The following ITM2A variants were observed in gnomAD, a reference collection of about 807,000 sequenced individuals.
The protein encoded by ITM2A is BRICHOS domain containing 2A.
A neutral mutation model predicts 16.6 loss-of-function variants in ITM2A; 11 were observed. That is an observed-to-expected ratio of 0.66 (90% CI 0.42 to 1.10). The LOEUF (loss-of-function observed/expected upper bound fraction) is 1.10. Among genes scored for constraint, ITM2A ranks in the 50% least tolerant of loss-of-function variants. The pLI, the probability that ITM2A is intolerant of heterozygous loss-of-function variation, is 0.00. For synonymous variants in ITM2A, 102 were observed against 71.2 expected, an observed-to-expected ratio of 1.43 and a Z score of -2.18; for missense variants, 243 against 206.8, an observed-to-expected ratio of 1.17 and a Z score of -1.07.
At chrX:79,366,405 A>G (rs1925576354) in intron 1 of ITM2A, among the ~76,000 whole-genome samples, 1 of 111,651 alleles carries the variant, frequency 9.0e-6, no homozygotes, top group Non-Finnish European at 1.9e-5. Flanking sequence ...CTCTAAAAAT[A>G]TACAAGGCTC....
In ITM2A at chrX:79,363,147, A is replaced by T. The variant is rs777605986; in HGVS notation, c.244-8T>A. The T allele has an allele frequency of 1.7e-6, 2 of 1,177,821 alleles. No individual in the cohort carries two copies. The highest frequency in any genetic ancestry group is 2.3e-6 in the Non-Finnish European group (2 of 869,057). On this transcript the variant is annotated splice_region_variant and splice_polypyrimidine_tract_variant and intron_variant, in intron 2 of 5. Transcript: ENST00000373298. The stretch of plus-strand genomic sequence containing the variant: ...TCCACGGTAAATGGTGCTCTAAAAG[A>T]CAAAAAGGGAAAATTACAACCTTCT...
intron 1 of ITM2A, among the ~76,000 whole-genome samples, chrX:79,364,864 T>C (rs1426651378): frequency 2.7e-5 from 3 of 111,113 alleles, no homozygotes; most frequent in Non-Finnish European, 5.7e-5. Context: ...TAACTAAATT[T>C]ATTTAAGTTC....
At position 79,361,170 on chromosome X, in the gene ITM2A, G is replaced by C; in HGVS notation, c.711C>G (p.Asn237Lys). 3 of 1,194,305 alleles carry C rather than the reference G, an allele frequency of 2.5e-6. No homozygotes were observed. The highest frequency in any genetic ancestry group is 3.4e-6 in the Non-Finnish European group (3 of 882,564). ...LRRRDLLLGF[N>K]KRAIDKCWKI... The stretch of plus-strand genomic sequence containing the variant: ...TCCAGCATTTATCAATGGCACGTTT[G>C]TTGAAACCTGTAAGGAAATGTGCAA... The change falls in exon 6 of 6, where the codon AAC (asparagine) becomes AAG (lysine). Residue 237 changes from asparagine to lysine, a missense_variant. Coordinates refer to ENST00000373298, the MANE Select transcript of ITM2A (RefSeq NM_004867.5).
At chrX:79,365,150 A>G (rs928487482) in intron 1 of ITM2A, among the ~76,000 whole-genome samples, 2 of 111,989 alleles carry the variant, frequency 1.8e-5, no homozygotes, top group Non-Finnish European at 3.8e-5. Context: ...TAAGAGAAAT[A>G]AATTTATTTT....
Position 79,367,157 on chromosome X carries a change from T to C in ITM2A, c.59A>G (p.Asp20Gly), listed in dbSNP as rs1263283468. The change falls in exon 1 of 6, where the codon GAC becomes GGC. Residue 20 changes from aspartate (D) to glycine (G), a missense_variant. Physicochemically the swap from Asp to Gly is moderately conservative, Grantham distance 94 (BLOSUM62 -1). Coordinates refer to ENST00000373298, the MANE Select transcript of ITM2A (RefSeq NM_004867.5). The part of the protein sequence containing the change: ...TAVQKEEARQ[D>G]VEALLSRTVR... The stretch of plus-strand genomic sequence containing the variant: ...CGTGCGGCTCAGGAGGGCCTCCACG[T>C]CTTGCCGCGCCTCCTCCTTTTGCAC... 6 of 1,207,414 alleles carry C rather than the reference T, an allele frequency of 5.0e-6. No individual in the cohort carries two copies. Among genetic ancestry groups the C allele is most frequent in the Non-Finnish European group, 6.7e-6 (6 of 894,208 alleles).
intron 4 of ITM2A, among the ~76,000 whole-genome samples, chrX:79,361,680 CT>C (rs1925422863): frequency 9.0e-6 from 1 of 110,975 alleles, no homozygotes; most frequent in African/African-American, 3.3e-5. Context: ...ATCTTCCACC[CT>C]CTGAAAGGCC....
At chrX:79,365,297 A>AT (rs1175844092) in intron 1 of ITM2A, among the ~76,000 whole-genome samples, 1 of 111,564 alleles carries the variant, frequency 9.0e-6, no homozygotes, top group Non-Finnish European at 1.9e-5. Flanking sequence ...AGAAATAAGG[A>AT]TTTTTTGTTT....
At chrX:79,364,058 T>C (rs1443389680) in intron 1 of ITM2A, among the ~76,000 whole-genome samples, 1 of 88,676 alleles carries the variant, frequency 1.1e-5, no homozygotes, top group Non-Finnish European at 2.5e-5. Flanking sequence ...TTCTTCATTA[T>C]TTTTTCCAAA....
rs755224696 is a variant in ITM2A, at chrX:79,361,184, G to T, written c.704-7C>A. ...ATGGCACGTTTGTTGAAACCTGTAA[G>T]GAAATGTGCAAAAAAAGTGGCTTTT... is the stretch of plus-strand genomic sequence containing the variant. On this transcript the variant is annotated splice_region_variant and splice_polypyrimidine_tract_variant and intron_variant, in intron 5 of 5. Transcript: ENST00000373298. 1 of 1,173,697 alleles carries T rather than the reference G, an allele frequency of 8.5e-7. No individual in the cohort carries two copies.
At chrX:79,363,999 T>A (rs970499663) in intron 1 of ITM2A, among the ~76,000 whole-genome samples, 1 of 112,111 alleles carries the variant, frequency 8.9e-6, no homozygotes, top group Non-Finnish European at 1.9e-5. Context: ...AATTACTTTT[T>A]GAACTAGTAC....
chrX:79,361,022 C>A lies in ITM2A; in HGVS notation c.*67G>T, dbSNP rs764962561. 9.6e-6 allele frequency: 6 copies of A among 622,136 alleles called. No individual in the cohort carries two copies. The South Asian group carries it at 1.8e-4, about 19-fold the overall frequency. The allele number at this position is 622,136 out of a possible 1,213,427, so 51.3% of individuals were successfully genotyped here. ...TAAATATCTTGAGTATCCCATAAACCTTAATGTTAAAGTCATATTGTAAAT... is the reference window on the plus strand; with the variant it reads ...TAAATATCTTGAGTATCCCATAAACATTAATGTTAAAGTCATATTGTAAAT... On this transcript the variant is annotated 3_prime_UTR_variant, in exon 6 of 6. Coordinates refer to ENST00000373298, the MANE Select transcript of ITM2A (RefSeq NM_004867.5).
intron 5 of ITM2A, 44 bp from the exon 6 acceptor site, chrX:79,361,221 G>A (rs1925404965): frequency 2.6e-6 from 3 of 1,139,007 alleles, no homozygotes; most frequent in Non-Finnish European, 3.6e-6. Context: ...AAATTTTTGT[G>A]GAAATGAAAA....
intron 4 of ITM2A, 45 bp from the exon 5 acceptor site, chrX:79,361,524 T>C (rs1378369527): frequency 3.6e-6 from 4 of 1,119,379 alleles, no homozygotes; most frequent in Non-Finnish European, 4.8e-6. Flanking sequence ...TCTTTTTCCT[T>C]TTTAACTTTG....
Position 79,365,009 on chromosome X carries a change from A to T in ITM2A, c.112-1455T>A, listed in dbSNP as rs1925531414. On this transcript the variant is annotated intron_variant, in intron 1 of 5. Transcript: ENST00000373298. ...TAGCACTACAAAGATAGAACTATAA[A>T]TTTTGATTTGGAATTACTGTACAAT... 4.5e-5 allele frequency among the ~76,000 whole-genome samples: 5 copies of T among 110,983 alleles called. No individual in the cohort carries two copies. The Admixed American group carries it at 4.8e-4, about 11-fold the overall frequency.
At position 79,362,618 on chromosome X, in the gene ITM2A, G is replaced by A; in HGVS notation, c.515C>T (p.Pro172Leu). 2 of 1,202,372 alleles carry A rather than the reference G, an allele frequency of 1.7e-6. No homozygotes were observed. The highest frequency in any genetic ancestry group is 2.2e-6 in the Non-Finnish European group (2 of 890,369). Reference protein sequence around the residue: ...LMPLNTSIVMPPKNLVELFGK... With the variant: ...LMPLNTSIVMLPKNLVELFGK... ...AAAGAGCTCTACCAGATTTTTTGGA[G>A]GCATAACAATAGAAGTATTGAGGGG... Residue 172 changes from proline to leucine, a missense_variant, in exon 4 of 6, where the codon CCT becomes CTT. By Grantham distance (98) the Pro-to-Leu change is moderately conservative. Coordinates refer to ENST00000373298, the MANE Select transcript of ITM2A (RefSeq NM_004867.5).
At chrX:79,363,635 C>T (rs1321994987) in intron 1 of ITM2A, 81 bp from the exon 2 acceptor site, 3 of 599,285 alleles carry the variant, frequency 5.0e-6, no homozygotes, top group Non-Finnish European at 7.3e-6. Context: ...CAATTTACCT[C>T]CCTTGAAACC....
chrX:79,366,156 C>T (rs1925569225), intron 1 of ITM2A, among the ~76,000 whole-genome samples: 1 of 110,897 alleles, frequency 9.0e-6, no homozygotes, highest in Non-Finnish European at 1.9e-5. Context: ...ACCCTGAAAA[C>T]ATAGTAGGTG....
chrX:79,362,422 T>C (rs1177569295), intron 4 of ITM2A, among the ~76,000 whole-genome samples, 159 bp downstream of exon 4: 1 of 112,295 alleles, frequency 8.9e-6, no homozygotes, highest in Non-Finnish European at 1.9e-5. Context: ...AAAAATAATC[T>C]TTATTTTCTA....
intron 1 of ITM2A, 96 bp from the exon 2 acceptor site, chrX:79,363,650 A>G (rs1222278740): frequency 1.3e-5 from 7 of 525,643 alleles, no homozygotes; most frequent in Non-Finnish European, 2.0e-5. Context: ...GAAACCCAAG[A>G]TATTTTTTTA....
Sources: gnomAD v4.1 joint callset for allele counts (sites outside exome capture counted in the v4.1 genomes callset) on GRCh38, gnomAD v4.1.1 for gene constraint, MANE v1.5 for transcripts, NCBI Gene and HGNC (gene_info 2026-07-23, HGNC 2026-07-21) for gene names.